LRP1B: variants seen among roughly 807,000 people sequenced by gnomAD.
The protein encoded by LRP1B is LDL receptor related protein 1B, also known as low-density lipoprotein receptor-related protein 1B.
A neutral mutation model predicts 556.6 loss-of-function variants in LRP1B; 217 were observed. The ratio of observed to expected loss-of-function variants is 0.39; its 90% CI spans 0.35 to 0.44. The LOEUF (loss-of-function observed/expected upper bound fraction) is 0.44, where lower values mean the gene tolerates loss of function less well. Ranked by LOEUF, LRP1B falls within the 20% of genes least tolerant of loss-of-function variation. LRP1B has a pLI of 1.00. For missense variants in LRP1B, 5,053 were observed against 5,620.8 expected (o/e 0.90, Z 3.23); for synonymous variants, 2,047 against 1,865.8 (o/e 1.10, Z -2.50).
Position 141,350,039 on chromosome 2 carries a change from A to G in LRP1B, c.344-95398T>C, listed in dbSNP as rs148480705. Among the ~76,000 whole-genome samples, 387 of 152,158 alleles carry G rather than the reference A, an allele frequency of 2.5e-3. 2 individuals are homozygous for G. Among genetic ancestry groups the G allele is most frequent in the African/African-American group, 8.8e-3 (367 of 41,480 alleles). On this transcript the variant is annotated intron_variant, in intron 3 of 90. Coordinates refer to ENST00000389484, the MANE Select transcript of LRP1B (RefSeq NM_018557.3). ...CTCACATGGTGGCAGACAAGAGAAG[A>G]GAGTTTGTGCAGGGAAACTCCCGTT...
chr2:141,556,840 T>A (rs936944558), intron 2 of LRP1B, among the ~76,000 whole-genome samples: 4 of 151,734 alleles, frequency 2.6e-5, no homozygotes, highest in Non-Finnish European at 4.4e-5. Flanking sequence ...AAGAAAAGGC[T>A]GAGAGAAGTT....
At chr2:141,086,207 C>T (rs928173330) in intron 7 of LRP1B, among the ~76,000 whole-genome samples, 5 of 152,170 alleles carry the variant, frequency 3.3e-5, no homozygotes, top group Non-Finnish European at 7.3e-5. Context: ...TTTTTTAGAA[C>T]ATGTCACCCA....
chr2:140,858,915 C>T (rs905109423), intron 27 of LRP1B, among the ~76,000 whole-genome samples: 1 of 152,202 alleles, frequency 6.6e-6, no homozygotes, highest in Admixed American at 6.5e-5. Context: ...AGCATAATCT[C>T]ATTCCTTTTT....
At chr2:140,848,548 C>T (rs147838909) in intron 29 of LRP1B, among the ~76,000 whole-genome samples, 1 of 152,288 alleles carries the variant, frequency 6.6e-6, no homozygotes, top group African/African-American at 2.4e-5. Context: ...TCTACACTTC[C>T]TATTGCCTTC....
intron 2 of LRP1B, among the ~76,000 whole-genome samples, chr2:141,601,643 C>CTTCTTTCCT (rs771063608): frequency 7.7e-6 from 1 of 130,256 alleles, no homozygotes; most frequent in African/African-American, 2.8e-5. Flanking sequence ...TCCTTCCTTC[C>CTTCTTTCCT]TTTTTTTTTC....
chr2:141,573,111 A>G (rs778549566), intron 2 of LRP1B, among the ~76,000 whole-genome samples: 5 of 152,200 alleles, frequency 3.3e-5, no homozygotes, highest in Non-Finnish European at 7.4e-5. Flanking sequence ...GTAAACATCT[A>G]CAGAACCCTC....
At chr2:140,871,454 T>C (rs6750037) in intron 25 of LRP1B, among the ~76,000 whole-genome samples, 2,795 of 152,254 alleles carry the variant, frequency 0.018, 83 homozygotes, top group African/African-American at 0.063. Flanking sequence ...CTAATATCTA[T>C]GTTTAAATGC....
intron 3 of LRP1B, among the ~76,000 whole-genome samples, chr2:141,387,985 G>A (rs1689894127): frequency 6.6e-6 from 1 of 152,136 alleles, no homozygotes; most frequent in Admixed American, 6.5e-5. Context: ...CAATGACCAT[G>A]TGGGATTTAC....
chr2:141,889,174 C>T (rs1699209498), intron 1 of LRP1B, among the ~76,000 whole-genome samples: 1 of 151,868 alleles, frequency 6.6e-6, no homozygotes, highest in Admixed American at 6.6e-5. Context: ...CATAATAATG[C>T]TTAAGTAAGC....
intron 2 of LRP1B, among the ~76,000 whole-genome samples, chr2:141,601,498 G>A (rs1031925047): frequency 6.6e-6 from 1 of 152,106 alleles, no homozygotes; most frequent in Non-Finnish European, 1.5e-5. Flanking sequence ...CAATACTAAC[G>A]TTAACTGTAG....
At chr2:141,369,124 G>GC (rs1378332082) in intron 3 of LRP1B, among the ~76,000 whole-genome samples, 1 of 151,814 alleles carries the variant, frequency 6.6e-6, no homozygotes, top group Admixed American at 6.6e-5. Flanking sequence ...TCAGGACCAA[G>GC]CCCCACAACT....
chr2:141,860,904 C>A (rs922362836), intron 1 of LRP1B, among the ~76,000 whole-genome samples: 2 of 152,114 alleles, frequency 1.3e-5, no homozygotes, highest in East Asian at 3.9e-4. Flanking sequence ...GAGCTAGGAT[C>A]GGTCTCTATA....
chr2:140,445,453 T>C (rs1027948417), intron 63 of LRP1B, among the ~76,000 whole-genome samples: 3 of 152,160 alleles, frequency 2.0e-5, no homozygotes, highest in Non-Finnish European at 4.4e-5. Context: ...AAGCAAATGC[T>C]TTCTATATCT....
intron 2 of LRP1B, among the ~76,000 whole-genome samples, chr2:141,741,986 G>A (rs777166310): frequency 1.8e-4 from 28 of 152,068 alleles, no homozygotes; most frequent in South Asian, 1.5e-3. Flanking sequence ...AATGATAGGC[G>A]TCTAGCTTCA....
intron 3 of LRP1B, among the ~76,000 whole-genome samples, chr2:141,363,004 A>T (rs1688888961): frequency 1.3e-5 from 2 of 152,110 alleles, no homozygotes; most frequent in African/African-American, 4.8e-5. Context: ...CTCCAGCTTA[A>T]ATATCTTTAT....
intron 45 of LRP1B, 129 bp downstream of exon 45, chr2:140,540,844 G>A (rs1177819578): frequency 4.8e-6 from 5 of 1,051,838 alleles, no homozygotes; most frequent in Non-Finnish European, 5.4e-6. Flanking sequence ...TTAGAGCAGA[G>A]AGATAACATG....
chr2:140,745,242 T>C (rs1422501411), intron 35 of LRP1B, among the ~76,000 whole-genome samples: 1 of 151,820 alleles, frequency 6.6e-6, no homozygotes, highest in Non-Finnish European at 1.5e-5. Context: ...AAGAGAAGAG[T>C]ATGTAGAGAT....
intron 84 of LRP1B, among the ~76,000 whole-genome samples, chr2:140,286,667 T>A (rs1159134068): frequency 1.3e-5 from 2 of 152,020 alleles, no homozygotes; most frequent in African/African-American, 4.8e-5. Context: ...AATGACTCAA[T>A]GCAAAAGTTC....
rs757124293 is a variant in LRP1B, at chr2:141,440,740, C to T, written c.343+39656G>A. 1.7e-3 allele frequency among the ~76,000 whole-genome samples: 253 copies of T among 152,274 alleles called. 2 individuals are homozygous for T. The highest frequency in any genetic ancestry group is 6.0e-3 in the African/African-American group (249 of 41,562). ...ATTTTCTCTCATCACAAATCTGTAACGATGAAGAGAGTCATTTAAAGAATG... is the reference window on the plus strand; with the variant it reads ...ATTTTCTCTCATCACAAATCTGTAATGATGAAGAGAGTCATTTAAAGAATG... On this transcript the variant is annotated intron_variant, in intron 3 of 90. Transcript: ENST00000389484.
Sources: allele counts gnomAD v4.1 joint callset (sites outside exome capture counted in the v4.1 genomes callset), GRCh38; gene constraint gnomAD v4.1.1; transcripts MANE v1.5; gene names NCBI Gene and HGNC (gene_info 2026-07-23, HGNC 2026-07-21).